GAPVD1: variants seen among roughly 807,000 people sequenced by gnomAD.
GAPVD1 encodes GTPase activating protein and VPS9 domains 1, also known as GTPase-activating protein and VPS9 domain-containing protein 1.
GAPVD1 carries 35 observed loss-of-function variants against 155.5 expected under a neutral mutation model. That is an observed-to-expected ratio of 0.23 (90% CI 0.17 to 0.30). The LOEUF is 0.30. Among genes scored for constraint, GAPVD1 ranks in the 10% least tolerant of loss-of-function variants. The probability of loss-of-function intolerance (pLI) is 1.00; values close to 1 mark genes in which losing one functional copy is unlikely to be tolerated. For missense variants in GAPVD1, 1,429 were observed against 1,775.7 expected, an observed-to-expected ratio of 0.80 and a Z score of 3.51; for synonymous variants, 636 against 619.7, an observed-to-expected ratio of 1.03 and a Z score of -0.39.
rs370816104 is a variant in GAPVD1, at chr9:125,341,513, TATC to T, written c.2965+252_2965+254del. The T allele has an allele frequency of 9.0e-4, 313 of 346,854 alleles. 1 individual carries two copies. Among genetic ancestry groups the T allele is most frequent in the African/African-American group, 5.8e-3 (271 of 46,640 alleles). 21.5% of individuals were successfully genotyped at this position (346,854 alleles called of 1,614,324 possible). On this transcript the variant is annotated intron_variant, in intron 18 of 27. Transcript: ENST00000297933. ...GTCATGCCTGTCACTATTGTTTAAATATCATATACCATTGAAGTTAAACATATA... is the reference window on the plus strand; with the variant it reads ...GTCATGCCTGTCACTATTGTTTAAATATATACCATTGAAGTTAAACATATA...
At position 125,302,724 on chromosome 9, in the gene GAPVD1, C is replaced by T. The variant is rs1187845359; in HGVS notation, c.927C>T (p.Leu309=). ...VGEVRAMCTD[L]LLACFICPAV... ...AGGTCAGGGCAATGTGTACTGATCT[C>T]CTGTTGGCCTGCTTCATTTGTCCTG... Residue 309 remains leucine, a synonymous_variant, in exon 5 of 28, where the codon CTC becomes CTT. Transcript: ENST00000297933. The T allele has an allele frequency of 3.1e-6, 5 of 1,613,932 alleles. No individual in the cohort carries two copies. The Admixed American group carries it at 8.3e-5, about 27-fold the overall frequency.
chr9:125,307,410 C>A lies in GAPVD1; in HGVS notation c.1117-3C>A. 1 of 1,581,754 alleles carries A rather than the reference C, an allele frequency of 6.3e-7. No homozygotes were observed. The highest frequency in any genetic ancestry group is 8.6e-7 in the Non-Finnish European group (1 of 1,165,810). ...TTTCACTGTTTTTTTCCTGTTTTAA[C>A]AGAGCTGTGTTGCCGCTTTCCTTGA... On this transcript the variant is annotated splice_region_variant and splice_polypyrimidine_tract_variant and intron_variant, in intron 6 of 27. Coordinates refer to ENST00000297933, the MANE Select transcript of GAPVD1 (RefSeq NM_001282680.3).
At chr9:125,334,175 G>A (rs755964389) in intron 15 of GAPVD1, among the ~76,000 whole-genome samples, 27 of 150,742 alleles carry the variant, frequency 1.8e-4, no homozygotes, top group Non-Finnish European at 2.9e-4. Context: ...TCACCGTGTC[G>A]ACATTTGTAC....
intron 8 of GAPVD1, chr9:125,308,612 C>G (rs1383313773): frequency 6.6e-6 from 1 of 152,022 alleles, no homozygotes; most frequent in Non-Finnish European, 1.5e-5. Context: ...CATTTGCTAT[C>G]TATCTGTCTA....
chr9:125,300,362 A>G (rs1033854485), intron 4 of GAPVD1, among the ~76,000 whole-genome samples: 1 of 150,496 alleles, frequency 6.6e-6, no homozygotes, highest in African/African-American at 2.4e-5. Flanking sequence ...TTGTATTTTT[A>G]GTAGAGACGG....
chr9:125,349,059 C>G (rs1848933701), intron 20 of GAPVD1, among the ~76,000 whole-genome samples: 1 of 152,164 alleles, frequency 6.6e-6, no homozygotes, highest in African/African-American at 2.4e-5. Flanking sequence ...TTTGAAGCCT[C>G]TTTTAGTTCT....
intron 5 of GAPVD1, among the ~76,000 whole-genome samples, chr9:125,303,249 C>T (rs1192987664): frequency 6.6e-6 from 1 of 151,886 alleles, no homozygotes; most frequent in African/African-American, 2.4e-5. Flanking sequence ...AAACTCCTGA[C>T]CTCAGATGAT....
intron 2 of GAPVD1, among the ~76,000 whole-genome samples, chr9:125,286,225 C>A (rs1420634385): frequency 6.6e-6 from 1 of 152,138 alleles, no homozygotes; most frequent in Non-Finnish European, 1.5e-5. Flanking sequence ...TCAATCCTTC[C>A]ACTTCAGCCT....
intron 1 of GAPVD1, among the ~76,000 whole-genome samples, chr9:125,263,351 A>C (rs1489584941): frequency 6.6e-6 from 1 of 152,234 alleles, no homozygotes; most frequent in Non-Finnish European, 1.5e-5. Flanking sequence ...TGGGAGGCTG[A>C]GGCAAGAGAA....
chr9:125,329,003 G>C (rs1006047146), intron 12 of GAPVD1, among the ~76,000 whole-genome samples: 3 of 151,324 alleles, frequency 2.0e-5, no homozygotes, highest in Non-Finnish European at 4.4e-5. Context: ...CGTGCCTGCA[G>C]TCGCAGGCAC....
chr9:125,346,616 C>G (rs943331814), intron 19 of GAPVD1: 8 of 608,126 alleles, frequency 1.3e-5, no homozygotes, highest in Non-Finnish European at 2.4e-5. Flanking sequence ...GCTACTCTTC[C>G]CAATTTCCTG....
chr9:125,354,884 A>G (rs1411900983), intron 24 of GAPVD1, 43 bp downstream of exon 24: 1 of 1,328,058 alleles, frequency 7.5e-7, no homozygotes, highest in Non-Finnish European at 1.1e-6. Flanking sequence ...CACCTGTAAT[A>G]CTGTTGGGAA....
In GAPVD1 at chr9:125,264,818, A is replaced by T. The variant is rs1405126862; in HGVS notation, c.-199+2859A>T. ...ACTGCAAGCTCTGCCTACCGGGTTC[A>T]TGCCATTCTCCTGCCTCAGCCTCCC... On this transcript the variant is annotated intron_variant, in intron 1 of 27. Transcript: ENST00000297933. 3.3e-5 allele frequency among the ~76,000 whole-genome samples: 5 copies of T among 151,112 alleles called. No homozygotes were observed. In the East Asian group the frequency reaches 9.8e-4, roughly 30 times the overall value.
intron 2 of GAPVD1, among the ~76,000 whole-genome samples, chr9:125,271,319 G>T (rs1173691124): frequency 6.6e-6 from 1 of 151,862 alleles, no homozygotes; most frequent in Non-Finnish European, 1.5e-5. Flanking sequence ...CATGTTGTCA[G>T]ACGTGTTTAG....
intron 5 of GAPVD1, 83 bp downstream of exon 5, chr9:125,302,909 G>A (rs1271972571): frequency 6.1e-6 from 9 of 1,471,682 alleles, no homozygotes; most frequent in Non-Finnish European, 8.2e-6. Flanking sequence ...CAAATAATAC[G>A]ATGACAGTAT....
intron 1 of GAPVD1, among the ~76,000 whole-genome samples, chr9:125,263,077 T>TA (rs531700083): frequency 2.4e-4 from 37 of 152,364 alleles, no homozygotes; most frequent in Non-Finnish European, 4.1e-4. Context: ...TATTTCCATA[T>TA]AATTGGTTTC....
chr9:125,268,544 G>A (rs1379712350), intron 1 of GAPVD1, among the ~76,000 whole-genome samples: 1 of 142,394 alleles, frequency 7.0e-6, no homozygotes, highest in Non-Finnish European at 1.5e-5. Flanking sequence ...CTGTCATGCA[G>A]GCTGGAGTGC....
At chr9:125,268,781 G>T (rs1834409177) in intron 1 of GAPVD1, among the ~76,000 whole-genome samples, 155 bp from the exon 2 acceptor site, 1 of 152,116 alleles carries the variant, frequency 6.6e-6, no homozygotes, top group African/African-American at 2.4e-5. Context: ...TAGTTCATCT[G>T]CCTCGGCCTC....
At position 125,296,653 on chromosome 9, in the gene GAPVD1, C is replaced by CTTTT. The variant is rs34723392; in HGVS notation, c.-33+1090_-33+1093dup. ...ACAGGTGTGAGCCACTGTGCCTGGCCTTTTTTTTTTTTTTCTCCTATTTTT... is the reference window on the plus strand; with the variant it reads ...ACAGGTGTGAGCCACTGTGCCTGGCCTTTTTTTTTTTTTTTTTTCTCCTATTTTT... On this transcript the variant is annotated intron_variant, in intron 3 of 27. Coordinates refer to ENST00000297933, the MANE Select transcript of GAPVD1 (RefSeq NM_001282680.3). Among the ~76,000 whole-genome samples the CTTTT allele has an allele frequency of 1.1e-3, 132 of 125,290 alleles. 1 individual carries two copies. The highest frequency in any genetic ancestry group is 1.9e-3 in the East Asian group (8 of 4,198). The allele number at this position is 125,290 out of a possible 152,430, so 82.2% of individuals were successfully genotyped here. A position where few individuals can be genotyped will look rare whatever the true frequency, so the allele number is the denominator to read the frequency against.
Sources: gnomAD v4.1 joint callset for allele counts (sites outside exome capture counted in the v4.1 genomes callset) on GRCh38, gnomAD v4.1.1 for gene constraint, MANE v1.5 for transcripts, NCBI Gene and HGNC (gene_info 2026-07-23, HGNC 2026-07-21) for gene names.